Variants in KCNK9 observed in about 807,000 individuals in gnomAD.
The protein encoded by KCNK9 is potassium channel subfamily K member 9.
A neutral mutation model predicts 10.8 loss-of-function variants in KCNK9; 1 was observed. That is an observed-to-expected ratio of 0.09 (90% CI 0.03 to 0.44). The LOEUF is 0.44. Ranked by LOEUF, KCNK9 falls within the 20% of genes least tolerant of loss-of-function variation. The pLI is 0.97. For missense variants in KCNK9, 303 were observed against 515.0 expected (o/e 0.59, Z 3.98); for synonymous variants, 231 against 222.7 (o/e 1.04, Z -0.33).
At position 139,619,115 on chromosome 8, in the gene KCNK9, G is replaced by A. The variant is rs1563717816; in HGVS notation, c.284-16C>T. The A allele has an allele frequency of 1.2e-5, 20 of 1,613,382 alleles. No individual in the cohort carries two copies. In the East Asian group the frequency reaches 3.8e-4, roughly 31 times the overall value. On this transcript the variant is annotated splice_polypyrimidine_tract_variant and intron_variant, in intron 1 of 1. Transcript: ENST00000520439. ...TGCCCATAACCTGTGGGAAGGGGAT[G>A]AGAAGAACAGAGAGAGCAAGTGAGG... is the stretch of plus-strand genomic sequence containing the variant.
chr8:139,618,309 T>C lies in KCNK9; in HGVS notation c.1074A>G (p.Leu358=). ...GCCTCTGGTGGTCGGTAAAGCTGTG[T>C]AACCCAGGAGAGATGGAGCTAATAG... ...PSPISSISPG[L]HSFTDHQRLM... The change falls in exon 2 of 2, where the codon TTA becomes TTG. Residue 358 remains leucine, a synonymous_variant. Coordinates refer to ENST00000520439, the MANE Select transcript of KCNK9 (RefSeq NM_001282534.2). The surrounding 1 kb of genome is among the most constrained non-coding windows in gnomAD (Gnocchi z 7.9). The C allele has an allele frequency of 6.2e-7, 1 of 1,614,166 alleles. No homozygotes were observed. Among genetic ancestry groups the C allele is most frequent in the South Asian group, 1.1e-5 (1 of 91,064 alleles).
downstream of KCNK9, among the ~76,000 whole-genome samples, chr8:139,608,227 C>A (rs1351610630): frequency 6.6e-6 from 1 of 152,188 alleles, no homozygotes; most frequent in African/African-American, 2.4e-5. Flanking sequence ...AAGGGCAAGT[C>A]CTGCCTCCCC....
chr8:139,646,224 T>A (rs2260428), intron 1 of KCNK9, among the ~76,000 whole-genome samples: 1 of 152,334 alleles, frequency 6.6e-6, no homozygotes, highest in Admixed American at 6.5e-5. Flanking sequence ...ACTGTGGGCA[T>A]CACCCTTCTT....
intron 1 of KCNK9, among the ~76,000 whole-genome samples, chr8:139,647,739 A>C (rs1280327432): frequency 7.4e-6 from 1 of 135,294 alleles, no homozygotes. Context: ...TCAGAAAGAC[A>C]AGGAGCTTCC....
rs549013365 is a variant in KCNK9, at chr8:139,702,045, C to T, written c.283+665G>A. Among the ~76,000 whole-genome samples, 63 of 152,298 alleles carry T rather than the reference C, an allele frequency of 4.1e-4. No homozygotes were observed. Among genetic ancestry groups the T allele is most frequent in the African/African-American group, 1.5e-3 (61 of 41,562 alleles). ...CCCCACTCTCCACCTCTACTGAGAG[C>T]AATTGAGGGGCTGCCACCCCCAACG... On this transcript the variant is annotated intron_variant, in intron 1 of 1. Transcript: ENST00000520439. The surrounding 1 kb of genome is among the most constrained non-coding windows in gnomAD (Gnocchi z 7.5).
intron 1 of KCNK9, among the ~76,000 whole-genome samples, chr8:139,690,069 T>C (rs1485408070): frequency 6.6e-6 from 1 of 152,216 alleles, no homozygotes; most frequent in Non-Finnish European, 1.5e-5. Context: ...TAGATGGTGG[T>C]TGTTTTCAGC....
chr8:139,673,537 T>C lies in KCNK9; in HGVS notation c.283+29173A>G, dbSNP rs145687712. On this transcript the variant is annotated intron_variant, in intron 1 of 1. Coordinates refer to ENST00000520439, the MANE Select transcript of KCNK9 (RefSeq NM_001282534.2). ...ACCTCACTTAGCATCCCTGACAGTG[T>C]GGCTGGTAAAACACCACTGGCCCAT... Among the ~76,000 whole-genome samples the C allele has an allele frequency of 2.0e-3, 300 of 152,292 alleles. 2 individuals carry two copies. The highest frequency in any genetic ancestry group is 7.0e-3 in the African/African-American group (291 of 41,558).
At chr8:139,686,314 G>C (rs990931866) in intron 1 of KCNK9, among the ~76,000 whole-genome samples, 16 of 152,150 alleles carry the variant, frequency 1.1e-4, no homozygotes, top group African/African-American at 3.6e-4. Flanking sequence ...ACTATCATCA[G>C]ATCGAACAGG....
In KCNK9 at chr8:139,618,822, G is replaced by A; in HGVS notation, c.561C>T (p.Phe187=). 6.2e-7 allele frequency: 1 copy of A among 1,614,220 alleles called. No homozygotes were observed. The highest frequency in any genetic ancestry group is 8.5e-7 in the Non-Finnish European group (1 of 1,180,052). The change falls in exon 2 of 2, where the codon TTC becomes TTT. Residue 187 remains phenylalanine, a synonymous_variant. Coordinates refer to ENST00000520439, the MANE Select transcript of KCNK9 (RefSeq NM_001282534.2). The surrounding 1 kb of genome is among the most constrained non-coding windows in gnomAD (Gnocchi z 7.9). The part of the protein sequence containing the change: ...AFSQCEEWSF[F]HAYYYCFITL... ...TGATGAAGCAGTAGTAGTAGGCGTG[G>A]AAGAAGCTCCACTCCTCACACTGGG...
rs78491843 is a variant in KCNK9 at position 139,662,937 on chromosome 8, G to A, written c.283+39773C>T. The stretch of plus-strand genomic sequence containing the variant: ...TCCTGACGCTGCAGAGGGTAGATGC[G>A]CCTTAGTGTGCAGGGGCTTAGTAAA... On this transcript the variant is annotated intron_variant, in intron 1 of 1. Coordinates refer to ENST00000520439, the MANE Select transcript of KCNK9 (RefSeq NM_001282534.2). Among the ~76,000 whole-genome samples the A allele has an allele frequency of 5.0e-3, 752 of 151,712 alleles. 4 individuals carry two copies. The highest frequency in any genetic ancestry group is 0.017 in the African/African-American group (714 of 41,208).
At position 139,677,159 on chromosome 8, in the gene KCNK9, C is replaced by A. The variant is rs552678313; in HGVS notation, c.283+25551G>T. Reference sequence around the variant, plus strand: ...AGTTGGTGGCCGCAGGGGACCCTACCCCCTGTGGCCACCAATTAAAGGTTG... The same window carrying A: ...AGTTGGTGGCCGCAGGGGACCCTACACCCTGTGGCCACCAATTAAAGGTTG... On this transcript the variant is annotated intron_variant, in intron 1 of 1. Transcript: ENST00000520439. 3.9e-5 allele frequency among the ~76,000 whole-genome samples: 6 copies of A among 152,194 alleles called. No individual in the cohort carries two copies. In the South Asian group the frequency reaches 1.2e-3, roughly 32 times the overall value.
At chr8:139,611,836 CCT>C (rs1426840900), downstream of KCNK9, 13 of 152,224 alleles carry the variant, frequency 8.5e-5, no homozygotes, top group Admixed American at 8.5e-4. Context: ...ATTGAGTTAC[CCT>C]GTTTCCACTT....
intron 1 of KCNK9, among the ~76,000 whole-genome samples, chr8:139,663,697 G>T (rs1345587523): frequency 2.0e-5 from 3 of 149,474 alleles, no homozygotes; most frequent in Admixed American, 2.0e-4. Flanking sequence ...GAGAGAGATA[G>T]AGAGAGAGAA....
At chr8:139,680,156 G>A (rs377682699) in intron 1 of KCNK9, among the ~76,000 whole-genome samples, 12 of 152,318 alleles carry the variant, frequency 7.9e-5, no homozygotes, top group Middle Eastern at 3.4e-3. Context: ...AGCTGGCAGC[G>A]CCTCTGCCCA....
chr8:139,687,306 G>T (rs551494841), intron 1 of KCNK9, among the ~76,000 whole-genome samples: 1 of 145,674 alleles, frequency 6.9e-6, no homozygotes, highest in African/African-American at 2.5e-5. Flanking sequence ...ATTTTGTTTG[G>T]TTTTTCTTAA....
At chr8:139,647,941 A>G (rs1815741707) in intron 1 of KCNK9, among the ~76,000 whole-genome samples, 1 of 152,244 alleles carries the variant, frequency 6.6e-6, no homozygotes, top group Non-Finnish European at 1.5e-5. Flanking sequence ...TCCTAGGAAT[A>G]TGCCCAAAGA....
At chr8:139,629,680 G>C (rs538618823) in intron 1 of KCNK9, among the ~76,000 whole-genome samples, 16 of 152,278 alleles carry the variant, frequency 1.1e-4, no homozygotes, top group Non-Finnish European at 2.1e-4. Flanking sequence ...CAATGAAAGG[G>C]GGGGAAGATG....
chr8:139,702,615 C>A lies in KCNK9; in HGVS notation c.283+95G>T. The A allele has an allele frequency of 7.5e-7, 1 of 1,332,088 alleles. No individual in the cohort carries two copies. The highest frequency in any genetic ancestry group is 1.0e-6 in the Non-Finnish European group (1 of 984,918). 82.5% of individuals were successfully genotyped at this position (1,332,088 alleles called of 1,614,324 possible). ...CCCCCAAGGGAGGCTGCGTTTAACC[C>A]TCGACGCCCTGCACCCAGCCCGGCG... On this transcript the variant is annotated intron_variant, in intron 1 of 1. Coordinates refer to ENST00000520439, the MANE Select transcript of KCNK9 (RefSeq NM_001282534.2). The surrounding 1 kb of genome is among the most constrained non-coding windows in gnomAD (Gnocchi z 7.5).
chr8:139,649,084 T>C (rs1815776634), intron 1 of KCNK9, among the ~76,000 whole-genome samples: 1 of 152,148 alleles, frequency 6.6e-6, no homozygotes, highest in Non-Finnish European at 1.5e-5. Context: ...TTTCTCCCCA[T>C]CCCCGACGCC....
Sources: gnomAD v4.1 joint callset for allele counts (sites outside exome capture counted in the v4.1 genomes callset) on GRCh38, gnomAD v4.1.1 for gene constraint, Gnocchi (gnomAD v3.1) non-coding constraint, MANE v1.5 for transcripts, NCBI Gene and HGNC (gene_info 2026-07-23, HGNC 2026-07-21) for gene names.